The following CNTNAP2 variants were observed in gnomAD, a reference collection of about 807,000 sequenced individuals.
CNTNAP2 encodes contactin-associated protein-like 2.
Under a neutral mutation model 155.2 loss-of-function variants are expected in CNTNAP2, and 98 were observed. The observed-to-expected ratio is 0.63, with a 90% confidence interval of 0.54 to 0.75. The LOEUF is 0.75. Ranked by LOEUF, CNTNAP2 falls within the 30% of genes least tolerant of loss-of-function variation. The pLI is 0.00. For synonymous variants in CNTNAP2, 651 were observed against 631.2 expected, an observed-to-expected ratio of 1.03 and a Z score of -0.47; for missense variants, 1,727 against 1,688.1, an observed-to-expected ratio of 1.02 and a Z score of -0.40.
chr7:148,068,311 A>T (rs1446520006), intron 15 of CNTNAP2, among the ~76,000 whole-genome samples: 1 of 152,230 alleles, frequency 6.6e-6, no homozygotes. Flanking sequence ...AGGTAAAGTC[A>T]GAAACGGCTT....
intron 15 of CNTNAP2, among the ~76,000 whole-genome samples, chr7:148,018,197 G>A (rs371176547): frequency 2.9e-4 from 44 of 152,224 alleles, no homozygotes; most frequent in African/African-American, 1.0e-3. Flanking sequence ...GGTATTTAAC[G>A]GACTCAGGGC....
chr7:147,646,703 G>T (rs1400907330), intron 13 of CNTNAP2, among the ~76,000 whole-genome samples: 1 of 152,048 alleles, frequency 6.6e-6, no homozygotes, highest in East Asian at 1.9e-4. Context: ...AAACCTAAGC[G>T]CAGACAATTA....
intron 9 of CNTNAP2, among the ~76,000 whole-genome samples, chr7:147,301,201 C>G (rs2620440): frequency 2.0e-5 from 3 of 151,920 alleles, no homozygotes; most frequent in Non-Finnish European, 4.4e-5. Flanking sequence ...TCTTAAGTAA[C>G]GAAAAGATTA....
intron 8 of CNTNAP2, among the ~76,000 whole-genome samples, chr7:147,265,219 C>T (rs560231538): frequency 1.3e-5 from 2 of 152,262 alleles, no homozygotes; most frequent in Non-Finnish European, 2.9e-5. Context: ...TTTAAGTTCT[C>T]GGATACATGT....
intron 3 of CNTNAP2, among the ~76,000 whole-genome samples, chr7:146,855,383 G>T (rs976551642): frequency 1.3e-5 from 2 of 152,056 alleles, no homozygotes; most frequent in African/African-American, 4.8e-5. Context: ...TACGCACAAA[G>T]TTATTTCTTG....
chr7:148,180,925 A>G (rs1436180469), intron 18 of CNTNAP2, among the ~76,000 whole-genome samples: 1 of 152,260 alleles, frequency 6.6e-6, no homozygotes, highest in South Asian at 2.1e-4. Flanking sequence ...GCTACCCTCA[A>G]TGTGGGAAGG....
chr7:146,158,397 G>A (rs187193493), intron 1 of CNTNAP2, among the ~76,000 whole-genome samples: 3 of 152,306 alleles, frequency 2.0e-5, no homozygotes, highest in East Asian at 3.9e-4. Context: ...TGACTTTGAT[G>A]AGTTTAGAGA....
At chr7:148,120,161 A>C (rs1443946863) in intron 16 of CNTNAP2, among the ~76,000 whole-genome samples, 1 of 148,836 alleles carries the variant, frequency 6.7e-6, no homozygotes, top group Non-Finnish European at 1.5e-5. Flanking sequence ...TATGTCCTCA[A>C]GTTTTGTAAA....
intron 1 of CNTNAP2, among the ~76,000 whole-genome samples, chr7:146,492,291 C>T (rs559633463): frequency 3.3e-5 from 5 of 151,772 alleles, no homozygotes; most frequent in Non-Finnish European, 7.4e-5. Flanking sequence ...GTAACTAATA[C>T]GATTTCCACA....
intron 13 of CNTNAP2, among the ~76,000 whole-genome samples, chr7:147,736,566 CCTGCTTTGCTAGATTGGGGAAGT>C (rs1796848588): frequency 6.6e-6 from 1 of 152,228 alleles, no homozygotes; most frequent in African/African-American, 2.4e-5. Flanking sequence ...TGAATGTTGA[CCTGCTTTGCTAGATTGGGGAAGT>C]TCTCCTGAAT....
intron 9 of CNTNAP2, among the ~76,000 whole-genome samples, chr7:147,310,609 G>A (rs538580529): frequency 9.2e-5 from 14 of 152,296 alleles, no homozygotes; most frequent in Admixed American, 5.2e-4. Flanking sequence ...TAGGTGTCAA[G>A]TGATTACTTG....
At chr7:146,637,821 A>C (rs1163107969) in intron 1 of CNTNAP2, among the ~76,000 whole-genome samples, 1 of 152,208 alleles carries the variant, frequency 6.6e-6, no homozygotes, top group East Asian at 1.9e-4. Flanking sequence ...TATGGGAAAA[A>C]ATAAGATACC....
chr7:146,454,701 T>C (rs1204929048), intron 1 of CNTNAP2, among the ~76,000 whole-genome samples: 3 of 152,062 alleles, frequency 2.0e-5, no homozygotes, highest in Non-Finnish European at 4.4e-5. Context: ...TGCTGAACTG[T>C]AAAAATGATT....
intron 1 of CNTNAP2, among the ~76,000 whole-genome samples, chr7:146,478,390 A>G (rs1207622397): frequency 6.6e-6 from 1 of 151,930 alleles, no homozygotes; most frequent in Non-Finnish European, 1.5e-5. Context: ...TCACAGTGCT[A>G]ATTAAGTTCT....
chr7:148,282,616 A>G (rs190829573), intron 21 of CNTNAP2, among the ~76,000 whole-genome samples: 3 of 152,300 alleles, frequency 2.0e-5, no homozygotes, highest in Admixed American at 2.0e-4. Flanking sequence ...GCTGACTCCA[A>G]TCCTGGGTCA....
intron 14 of CNTNAP2, among the ~76,000 whole-genome samples, chr7:147,930,837 A>C (rs1028226648): frequency 3.9e-5 from 6 of 152,354 alleles, no homozygotes; most frequent in African/African-American, 1.4e-4. Context: ...AAATCATACC[A>C]GGTATCTTTT....
At chr7:147,919,685 C>T (rs1047215958) in intron 14 of CNTNAP2, among the ~76,000 whole-genome samples, 1 of 151,416 alleles carries the variant, frequency 6.6e-6, no homozygotes, top group African/African-American at 2.4e-5. Flanking sequence ...GTCTCGATCT[C>T]CTGAACTCGT....
At chr7:147,655,496 A>C (rs1795512620) in intron 13 of CNTNAP2, among the ~76,000 whole-genome samples, 1 of 152,270 alleles carries the variant, frequency 6.6e-6, no homozygotes, top group Non-Finnish European at 1.5e-5. Flanking sequence ...ATGTTGTATT[A>C]GCAGGCATGA....
At chr7:146,417,897 G>A (rs1463024044) in intron 1 of CNTNAP2, among the ~76,000 whole-genome samples, 1 of 151,754 alleles carries the variant, frequency 6.6e-6, no homozygotes, top group Non-Finnish European at 1.5e-5. Context: ...TGTTGAGTGT[G>A]TATGAGGCAC....
Sources: allele counts gnomAD v4.1 joint callset (sites outside exome capture counted in the v4.1 genomes callset), GRCh38; gene constraint gnomAD v4.1.1; transcripts MANE v1.5; gene names NCBI Gene and HGNC (gene_info 2026-07-23, HGNC 2026-07-21).